Variants in NKAIN3 observed in about 807,000 individuals in gnomAD.
NKAIN3 encodes the protein sodium/potassium transporting ATPase interacting 3.
In NKAIN3, 25 loss-of-function variants were observed where a neutral mutation model predicts 30.2. That is an observed-to-expected ratio of 0.83 (90% CI 0.60 to 1.16). The LOEUF (loss-of-function observed/expected upper bound fraction) is 1.16, where lower values mean the gene tolerates loss of function less well. Among genes scored for constraint, NKAIN3 ranks in the 50% most tolerant of loss-of-function variants. NKAIN3 has a pLI of 0.00. For synonymous variants in NKAIN3, 91 were observed against 89.6 expected, an observed-to-expected ratio of 1.02 and a Z score of -0.09; for missense variants, 225 against 254.1, an observed-to-expected ratio of 0.89 and a Z score of 0.78.
intron 3 of NKAIN3, among the ~76,000 whole-genome samples, chr8:62,734,159 C>T (rs771350099): frequency 1.6e-4 from 24 of 152,070 alleles, no homozygotes; most frequent in Admixed American, 5.2e-4. Flanking sequence ...GGTGCACAAC[C>T]GTAGTGTCAG....
intron 6 of NKAIN3, among the ~76,000 whole-genome samples, chr8:62,963,393 T>C (rs764913222): frequency 2.0e-5 from 3 of 152,146 alleles, no homozygotes; most frequent in Non-Finnish European, 4.4e-5. Context: ...GTTTCACTGC[T>C]TCACCAATCC....
At chr8:62,788,470 C>T (rs1434688137) in intron 4 of NKAIN3, among the ~76,000 whole-genome samples, 2 of 152,018 alleles carry the variant, frequency 1.3e-5, no homozygotes, top group Non-Finnish European at 2.9e-5. Context: ...AAAATTTTCT[C>T]CCATTCTGTA....
chr8:62,743,172 A>G (rs574472701), intron 3 of NKAIN3, among the ~76,000 whole-genome samples: 1 of 152,354 alleles, frequency 6.6e-6, no homozygotes, highest in South Asian at 2.1e-4. Flanking sequence ...TTGATGTGGT[A>G]ACTAAAAGCT....
At chr8:62,749,499 CT>C (rs1439044703) in intron 4 of NKAIN3, among the ~76,000 whole-genome samples, 1 of 152,044 alleles carries the variant, frequency 6.6e-6, no homozygotes, top group Non-Finnish European at 1.5e-5. Flanking sequence ...TGGAACACAC[CT>C]GCAGGACAAG....
At chr8:62,871,418 A>AAAAC (rs71255368) in intron 4 of NKAIN3, among the ~76,000 whole-genome samples, 53 of 142,414 alleles carry the variant, frequency 3.7e-4, no homozygotes, top group African/African-American at 6.0e-4. Flanking sequence ...AAAAAAAAAA[A>AAAAC]CAAAAACAAA....
intron 3 of NKAIN3, among the ~76,000 whole-genome samples, chr8:62,590,107 A>G (rs1008295068): frequency 6.6e-6 from 1 of 151,708 alleles, no homozygotes; most frequent in Non-Finnish European, 1.5e-5. Context: ...TAGTGACTGC[A>G]GGCCTAAATA....
chr8:62,683,971 C>T, intron 3 of NKAIN3, among the ~76,000 whole-genome samples: 1 of 152,206 alleles, frequency 6.6e-6, no homozygotes, highest in South Asian at 2.1e-4. Flanking sequence ...AGCTAGTCTC[C>T]CCAGTATTAG....
chr8:62,303,659 G>C (rs1020925818), intron 1 of NKAIN3, among the ~76,000 whole-genome samples: 5 of 150,370 alleles, frequency 3.3e-5, no homozygotes, highest in Non-Finnish European at 7.4e-5. Flanking sequence ...TTAGGAATCA[G>C]CTTATTTTTT....
At chr8:62,292,811 T>A (rs917961448) in intron 1 of NKAIN3, among the ~76,000 whole-genome samples, 1 of 152,248 alleles carries the variant, frequency 6.6e-6, no homozygotes, top group Non-Finnish European at 1.5e-5. Flanking sequence ...TTGTGGATAA[T>A]ATCCTGAAGA....
intron 1 of NKAIN3, among the ~76,000 whole-genome samples, chr8:62,269,463 A>AT (rs1249778611): frequency 1.3e-5 from 2 of 151,730 alleles, no homozygotes; most frequent in Non-Finnish European, 2.9e-5. Flanking sequence ...GTCGCCCATT[A>AT]TTTTTTTTAC....
At position 62,449,238 on chromosome 8, in the gene NKAIN3, C is replaced by G. The variant is rs553852271; in HGVS notation, c.55-130301C>G. On this transcript the variant is annotated intron_variant, in intron 1 of 6. Coordinates refer to ENST00000623646, the MANE Select transcript of NKAIN3 (RefSeq NM_001304533.3). ...TGCACACTGTGGCATCATGGAAATT[C>G]CATGATTTCTTGAGATTCTAAGTGA... Among the ~76,000 whole-genome samples, 278 of 152,074 alleles carry G rather than the reference C, an allele frequency of 1.8e-3. 1 individual carries two copies. Among genetic ancestry groups the G allele is most frequent in the African/African-American group, 6.4e-3 (266 of 41,536 alleles).
chr8:62,531,733 C>A (rs991871152), intron 1 of NKAIN3, among the ~76,000 whole-genome samples: 1 of 152,092 alleles, frequency 6.6e-6, no homozygotes, highest in Non-Finnish European at 1.5e-5. Context: ...ATGAATGACC[C>A]AGAGATGGTC....
At chr8:62,277,456 G>A (rs375200489) in intron 1 of NKAIN3, among the ~76,000 whole-genome samples, 18 of 152,220 alleles carry the variant, frequency 1.2e-4, no homozygotes, top group Admixed American at 4.6e-4. Flanking sequence ...TGAATTGCCC[G>A]GTGTTGCAAA....
At chr8:62,347,325 AG>A (rs1816035261) in intron 1 of NKAIN3, among the ~76,000 whole-genome samples, 3 of 152,156 alleles carry the variant, frequency 2.0e-5, no homozygotes, top group Admixed American at 2.0e-4. Context: ...TCAACATAAA[AG>A]TTGCAGTAGA....
chr8:62,662,535 C>T (rs1164376112), intron 3 of NKAIN3, among the ~76,000 whole-genome samples: 6 of 152,210 alleles, frequency 3.9e-5, no homozygotes, highest in African/African-American at 1.4e-4. Flanking sequence ...ATCCCCCTAA[C>T]CTTCAGATAT....
chr8:62,828,902 T>C (rs1819110292), intron 4 of NKAIN3, among the ~76,000 whole-genome samples: 1 of 152,020 alleles, frequency 6.6e-6, no homozygotes, highest in African/African-American at 2.4e-5. Context: ...AGTGAGGCTG[T>C]TGGAAGTAAC....
intron 4 of NKAIN3, among the ~76,000 whole-genome samples, chr8:62,837,327 T>C (rs1819394946): frequency 1.3e-5 from 2 of 152,156 alleles, no homozygotes; most frequent in South Asian, 4.1e-4. Flanking sequence ...AATGATTTAA[T>C]AATGATCACA....
intron 1 of NKAIN3, among the ~76,000 whole-genome samples, chr8:62,528,535 G>A (rs1446266240): frequency 2.0e-5 from 3 of 151,570 alleles, no homozygotes; most frequent in Non-Finnish European, 4.4e-5. Flanking sequence ...ATTGTCCCTA[G>A]TAATCTTCTC....
chr8:62,460,411 C>CA (rs34652304), intron 1 of NKAIN3, among the ~76,000 whole-genome samples: 13,664 of 120,128 alleles, frequency 0.11, 888 homozygotes, highest in African/African-American at 0.21. Context: ...AATTCCATCT[C>CA]AAAAAAAAAA....
Sources: gnomAD v4.1 joint callset for allele counts (sites outside exome capture counted in the v4.1 genomes callset) on GRCh38, gnomAD v4.1.1 for gene constraint, MANE v1.5 for transcripts, NCBI Gene and HGNC (gene_info 2026-07-23, HGNC 2026-07-21) for gene names.